Variants in SMARCA5 observed in about 807,000 individuals in gnomAD.
The protein encoded by SMARCA5 is SNF2 related chromatin remodeling ATPase 5.
A neutral mutation model predicts 140.4 loss-of-function variants in SMARCA5; 18 were observed. The observed-to-expected ratio is 0.13, with a 90% CI of 0.09 to 0.19. The LOEUF is 0.19. Among genes scored for constraint, SMARCA5 ranks in the 10% least tolerant of loss-of-function variants. The probability of loss-of-function intolerance (pLI) is 1.00; values close to 1 mark genes in which losing one functional copy is unlikely to be tolerated. For synonymous variants in SMARCA5, 449 were observed against 419.6 expected, an observed-to-expected ratio of 1.07 and a Z score of -0.86; for missense variants, 606 against 1,276.8, an observed-to-expected ratio of 0.47 and a Z score of 8.01.
Position 143,516,376 on chromosome 4 carries a change from A to G in SMARCA5, c.178-979A>G, listed in dbSNP as rs1043575321. Among the ~76,000 whole-genome samples the G allele has an allele frequency of 3.3e-5, 5 of 152,136 alleles. No homozygotes were observed. In the East Asian group the frequency reaches 7.7e-4, roughly 24 times the overall value. On this transcript the variant is annotated intron_variant, in intron 1 of 23. Coordinates refer to ENST00000283131, the MANE Select transcript of SMARCA5 (RefSeq NM_003601.4). ...CTCTTCTGTGTTCATCCTCATCTCT[A>G]TTGACTAGATTGATTAAATAGTCAC...
In SMARCA5 at chr4:143,538,890, A is replaced by G; in HGVS notation, c.1722A>G (p.Val574=). The G allele has an allele frequency of 6.2e-7, 1 of 1,614,040 alleles. No homozygotes were observed. Among genetic ancestry groups the G allele is most frequent in the African/African-American group, 1.3e-5 (1 of 75,036 alleles). ...TCAATCTTGCGACTGCTGATGTAGT[A>G]ATTTTGTATGATTCTGATTGGAATC... The part of the protein sequence containing the change: ...LGINLATADV[V]ILYDSDWNPQ... Residue 574 remains valine (V), a synonymous_variant, in exon 13 of 24, where the codon GTA becomes GTG. Transcript: ENST00000283131.
chr4:143,541,124 T>G (rs1354300420), intron 14 of SMARCA5, among the ~76,000 whole-genome samples: 3 of 152,168 alleles, frequency 2.0e-5, no homozygotes, highest in Non-Finnish European at 4.4e-5. Context: ...TTGGATCAAT[T>G]GAAGGAAACT....
intron 1 of SMARCA5, 111 bp downstream of exon 1, chr4:143,514,212 C>A: frequency 1.0e-6 from 1 of 958,960 alleles, no homozygotes; most frequent in Non-Finnish European, 1.5e-6. Context: ...CTGCACCAGA[C>A]TCAGCTTCAC....
Position 143,514,478 on chromosome 4 carries a change from C to T in SMARCA5, c.177+377C>T, listed in dbSNP as rs768604390. ...GTGGTTTTTAGTTTCCACCAAACTT[C>T]GGGGAAGGGCGAGGAGATGACCCCT... On this transcript the variant is annotated intron_variant, in intron 1 of 23. Transcript: ENST00000283131. The T allele has an allele frequency of 1.6e-3, 299 of 185,054 alleles. 1 individual carries two copies. The highest frequency in any genetic ancestry group is 2.7e-3 in the Non-Finnish European group (241 of 88,544). 11.5% of individuals were successfully genotyped at this position (185,054 alleles called of 1,614,324 possible). A position where few individuals can be genotyped will look rare whatever the true frequency, so the allele number is the denominator to read the frequency against.
rs1275569604 is a variant in SMARCA5, at chr4:143,553,289, A to G, written c.*105A>G. 1.3e-6 allele frequency: 1 copy of G among 780,762 alleles called. No homozygotes were observed. The highest frequency in any genetic ancestry group is 2.2e-6 in the Non-Finnish European group (1 of 452,152). 48.4% of individuals were successfully genotyped at this position (780,762 alleles called of 1,614,324 possible). ...TGCTCAATTGTTATGTCATTTAAAG[A>G]CATCAGGTTCATCTGTTTACTGAGC... On this transcript the variant is annotated 3_prime_UTR_variant, in exon 24 of 24. Transcript: ENST00000283131.
rs1737516450 is a variant in SMARCA5, at chr4:143,546,007, A to T, written c.2480A>T (p.Asn827Ile). The T allele has an allele frequency of 6.2e-7, 1 of 1,610,796 alleles. No individual in the cohort carries two copies. Among genetic ancestry groups the T allele is most frequent in the Non-Finnish European group, 8.5e-7 (1 of 1,178,006 alleles). Residue 827 changes from asparagine to isoleucine, a missense_variant, in exon 19 of 24, where the codon AAT (asparagine) becomes ATT (isoleucine). Around this residue, in one of 10 missense-constraint regions of SMARCA5, gnomAD observed 121 missense variants for 227.1 expected, o/e 0.53. Coordinates refer to ENST00000283131, the MANE Select transcript of SMARCA5 (RefSeq NM_003601.4). Reference sequence around the variant, plus strand: ...AAAATTGATGAAGCTGAATCCCTTAATGATGAAGAGTTAGAGGAAAAAGAG... The same window carrying T: ...AAAATTGATGAAGCTGAATCCCTTATTGATGAAGAGTTAGAGGAAAAAGAG... ...QLKIDEAESL[N>I]DEELEEKEKL... is the part of the protein sequence containing the mutation.
chr4:143,538,284 G>A (rs1737356394), intron 11 of SMARCA5, among the ~76,000 whole-genome samples: 1 of 152,140 alleles, frequency 6.6e-6, no homozygotes, highest in Non-Finnish European at 1.5e-5. Context: ...TGAAGTAGTG[G>A]AAAGTTATTT....
At position 143,553,880 on chromosome 4, in the gene SMARCA5, A is replaced by C. The variant is rs576806095; in HGVS notation, c.*696A>C. The C allele has an allele frequency of 1.1e-4, 17 of 151,672 alleles. No individual in the cohort carries two copies. The highest frequency in any genetic ancestry group is 6.6e-4 in the Admixed American group (10 of 15,216). The allele number at this position is 151,672 out of a possible 1,614,324, so 9.4% of individuals were successfully genotyped here. On this transcript the variant is annotated 3_prime_UTR_variant, in exon 24 of 24. Coordinates refer to ENST00000283131, the MANE Select transcript of SMARCA5 (RefSeq NM_003601.4). ...TATTACTGTACCATTTTGTAAAAGG[A>C]ATATTATTATTATTATTTTTAATTA...
At chr4:143,542,993 T>A (rs1737461502) in intron 14 of SMARCA5, among the ~76,000 whole-genome samples, 1 of 152,156 alleles carries the variant, frequency 6.6e-6, no homozygotes, top group Non-Finnish European at 1.5e-5. Flanking sequence ...AATAAACGAA[T>A]AAAATAAGTT....
intron 13 of SMARCA5, among the ~76,000 whole-genome samples, chr4:143,539,875 C>T (rs549389170): frequency 6.6e-6 from 1 of 152,114 alleles, no homozygotes; most frequent in African/African-American, 2.4e-5. Context: ...CTAAGGGTGA[C>T]AGGGGAAAAT....
chr4:143,530,784 GA>G (rs1326677825), intron 9 of SMARCA5, among the ~76,000 whole-genome samples: 1 of 152,104 alleles, frequency 6.6e-6, no homozygotes, highest in Non-Finnish European at 1.5e-5. Flanking sequence ...ACAGTGGGGG[GA>G]AGAAGAATTG....
chr4:143,525,930 T>C (rs915378532), intron 5 of SMARCA5, among the ~76,000 whole-genome samples: 3 of 152,344 alleles, frequency 2.0e-5, no homozygotes, highest in Middle Eastern at 3.4e-3. Context: ...CTACTAGTTA[T>C]GTAATGAATG....
intron 3 of SMARCA5, 30 bp from the exon 4 acceptor site, chr4:143,524,337 A>G (rs1737024671): frequency 4.0e-6 from 6 of 1,497,530 alleles, no homozygotes; most frequent in Non-Finnish European, 5.5e-6. Flanking sequence ...CCAAAACTCA[A>G]ATCAGGTTAT....
chr4:143,555,336 T>C lies in SMARCA5; in HGVS notation c.*2152T>C. ...AAATTGCTTCAATCATTACCAAATC[T>C]ATTATAGCAATCCCCACTGCCACCA... On this transcript the variant is annotated 3_prime_UTR_variant, in exon 24 of 24. Transcript: ENST00000283131. 1 of 731,634 alleles carries C rather than the reference T, an allele frequency of 1.4e-6. No individual in the cohort carries two copies. Among genetic ancestry groups the C allele is most frequent in the Non-Finnish European group, 2.5e-6 (1 of 398,430 alleles). 45.3% of individuals were successfully genotyped at this position (731,634 alleles called of 1,614,324 possible). A position where few individuals can be genotyped will look rare whatever the true frequency, so the allele number is the denominator to read the frequency against.
chr4:143,551,016 G>A (rs189234797), intron 23 of SMARCA5, among the ~76,000 whole-genome samples: 41 of 152,034 alleles, frequency 2.7e-4, no homozygotes, highest in South Asian at 2.1e-3. Flanking sequence ...ACTAATTTGC[G>A]TTCCCACCAA....
intron 2 of SMARCA5, among the ~76,000 whole-genome samples, chr4:143,518,454 G>A (rs1037506417): frequency 6.6e-6 from 1 of 152,150 alleles, no homozygotes; most frequent in Non-Finnish European, 1.5e-5. Context: ...CTCCTGTAGG[G>A]TAAAAACAGT....
At chr4:143,515,845 C>CAA (rs1003848935) in intron 1 of SMARCA5, among the ~76,000 whole-genome samples, 1 of 151,278 alleles carries the variant, frequency 6.6e-6, no homozygotes. Flanking sequence ...ATGTTCTTAC[C>CAA]AAAAAAAACA....
intron 14 of SMARCA5, among the ~76,000 whole-genome samples, chr4:143,543,154 C>T (rs1737463673): frequency 6.6e-6 from 1 of 152,166 alleles, no homozygotes; most frequent in Admixed American, 6.5e-5. Flanking sequence ...GTTAATAACA[C>T]CTTTCTGCTC....
At chr4:143,546,137 TTC>T in intron 19 of SMARCA5, 90 bp downstream of exon 19, 1 of 985,230 alleles carries the variant, frequency 1.0e-6, no homozygotes, top group Non-Finnish European at 1.4e-6. Flanking sequence ...AAATACAAGT[TTC>T]TGCTTTTAAA....
Sources: gnomAD v4.1 joint callset for allele counts (sites outside exome capture counted in the v4.1 genomes callset) on GRCh38, gnomAD v4.1.1 for gene constraint, gnomAD v4.1.1 regional missense constraint, MANE v1.5 for transcripts, NCBI Gene and HGNC (gene_info 2026-07-23, HGNC 2026-07-21) for gene names.